VGLL4: variants seen among roughly 807,000 people sequenced by gnomAD.
VGLL4 encodes vestigial like family member 4.
A neutral mutation model predicts 21.0 loss-of-function variants in VGLL4; 7 were observed. The ratio of observed to expected loss-of-function variants is 0.33; its 90% CI spans 0.19 to 0.63. The LOEUF is 0.63. Ranked by LOEUF, VGLL4 falls within the 20% of genes least tolerant of loss-of-function variation. VGLL4 has a pLI of 0.78. For missense variants in VGLL4, 394 were observed against 425.7 expected (o/e 0.93, Z 0.66); for synonymous variants, 222 against 173.2 (o/e 1.28, Z -2.21).
chr3:11,563,596 C>T (rs1034343794), intron 3 of VGLL4, among the ~76,000 whole-genome samples: 5 of 152,178 alleles, frequency 3.3e-5, no homozygotes, highest in African/African-American at 9.7e-5. Context: ...AAATGGTGAG[C>T]GCTCGTAAAA....
intron 1 of VGLL4, chr3:11,626,264 G>A (rs1432626316): frequency 7.0e-6 from 3 of 429,352 alleles, no homozygotes; most frequent in Non-Finnish European, 1.4e-5. Flanking sequence ...AATACGGAAA[G>A]GAAATTCTTT....
intron 1 of VGLL4, among the ~76,000 whole-genome samples, chr3:11,634,532 CAA>C (rs1390135226): frequency 6.6e-6 from 1 of 152,172 alleles, no homozygotes; most frequent in Admixed American, 6.5e-5. Context: ...CAAACTGTGA[CAA>C]AAGTTTGTTT....
chr3:11,703,867 T>C lies in VGLL4; in HGVS notation c.-13-820A>G, dbSNP rs142192463. Reference sequence around the variant, plus strand: ...TTTATTCAGCATTCTTCAACACTTATGGAGTACCTACTACGTATGCACCGG... The same window carrying C: ...TTTATTCAGCATTCTTCAACACTTACGGAGTACCTACTACGTATGCACCGG... On this transcript the variant is annotated intron_variant, in intron 1 of 5. Coordinates refer to the VGLL4 transcript ENST00000273038. 8.3e-4 allele frequency among the ~76,000 whole-genome samples: 126 copies of C among 152,370 alleles called. 1 individual carries two copies. The highest frequency in any genetic ancestry group is 1.3e-3 in the African/African-American group (55 of 41,594).
intron 1 of VGLL4, among the ~76,000 whole-genome samples, chr3:11,607,816 ATTAT>A (rs1425038821): frequency 6.6e-6 from 1 of 152,238 alleles, no homozygotes; most frequent in Non-Finnish European, 1.5e-5. Flanking sequence ...TTTTTAAAAC[ATTAT>A]TTATTAAGCT....
chr3:11,688,249 T>C (rs2076478960), intron 2 of VGLL4, among the ~76,000 whole-genome samples: 1 of 152,188 alleles, frequency 6.6e-6, no homozygotes, highest in African/African-American at 2.4e-5. Flanking sequence ...TACATACAAC[T>C]TTGTGTTTTA....
intron 2 of VGLL4, among the ~76,000 whole-genome samples, chr3:11,658,809 A>C (rs1221821967): frequency 6.6e-6 from 1 of 152,218 alleles, no homozygotes; most frequent in Non-Finnish European, 1.5e-5. Flanking sequence ...CAATGAATGC[A>C]AAAATATTTT....
At chr3:11,636,149 C>T (rs2075582398) in intron 1 of VGLL4, among the ~76,000 whole-genome samples, 1 of 152,174 alleles carries the variant, frequency 6.6e-6, no homozygotes, top group Admixed American at 6.5e-5. Context: ...CATTTATTTT[C>T]TAAGGGGAAA....
chr3:11,563,317 G>A (rs1183379882), intron 3 of VGLL4, among the ~76,000 whole-genome samples: 1 of 152,218 alleles, frequency 6.6e-6, no homozygotes, highest in Non-Finnish European at 1.5e-5. Flanking sequence ...CTGCCTGCAC[G>A]GTTCAGGCCA....
At chr3:11,579,704 C>G (rs560183417) in intron 2 of VGLL4, among the ~76,000 whole-genome samples, 13 of 152,128 alleles carry the variant, frequency 8.5e-5, no homozygotes, top group African/African-American at 1.2e-4. Flanking sequence ...CACCCTCCCC[C>G]CCAAGTTTCA....
At chr3:11,598,162 T>A (rs2074692993) in intron 2 of VGLL4, among the ~76,000 whole-genome samples, 1 of 152,140 alleles carries the variant, frequency 6.6e-6, no homozygotes. Flanking sequence ...TAGCTGGGAC[T>A]ACAGGCGCAC....
intron 1 of VGLL4, among the ~76,000 whole-genome samples, chr3:11,704,653 T>C (rs2076734336): frequency 6.6e-6 from 1 of 152,074 alleles, no homozygotes; most frequent in Non-Finnish European, 1.5e-5. Flanking sequence ...TTTTCTATGG[T>C]AAATAAGTTT....
intron 1 of VGLL4, among the ~76,000 whole-genome samples, chr3:11,617,309 A>C (rs990679264): frequency 2.0e-5 from 3 of 152,166 alleles, no homozygotes; most frequent in African/African-American, 7.2e-5. Flanking sequence ...TTGTTTCCTT[A>C]GACTTAAGGC....
chr3:11,630,219 C>A (rs2125314536), intron 1 of VGLL4, among the ~76,000 whole-genome samples: 2 of 152,282 alleles, frequency 1.3e-5, no homozygotes, highest in South Asian at 4.1e-4. Flanking sequence ...TAGTACCAAT[C>A]AACAGTGTCA....
intron 1 of VGLL4, among the ~76,000 whole-genome samples, chr3:11,622,789 A>C (rs945051298): frequency 6.6e-6 from 1 of 152,206 alleles, no homozygotes; most frequent in Non-Finnish European, 1.5e-5. Context: ...TCGAGGGATT[A>C]TAGAATTAGC....
At chr3:11,673,606 T>C (rs1364654339) in intron 2 of VGLL4, among the ~76,000 whole-genome samples, 1 of 152,152 alleles carries the variant, frequency 6.6e-6, no homozygotes, top group Non-Finnish European at 1.5e-5. Flanking sequence ...ATATAATAGT[T>C]GCTTTTTCTT....
intron 1 of VGLL4, among the ~76,000 whole-genome samples, chr3:11,634,057 G>A (rs186152715): frequency 6.4e-4 from 97 of 152,224 alleles, no homozygotes; most frequent in African/African-American, 2.2e-3. Flanking sequence ...AGGTGACCAC[G>A]CTCACTCAAA....
At chr3:11,700,911 T>C (rs1417005680) in intron 2 of VGLL4, among the ~76,000 whole-genome samples, 2 of 152,206 alleles carry the variant, frequency 1.3e-5, no homozygotes, top group African/African-American at 2.4e-5. Flanking sequence ...GGAATAATTA[T>C]ACCTCACCAT....
intron 2 of VGLL4, among the ~76,000 whole-genome samples, chr3:11,651,032 T>C (rs1019316189): frequency 2.0e-5 from 3 of 152,002 alleles, no homozygotes. Context: ...TAAGACAAGG[T>C]TGTAAGAAGG....
chr3:11,679,897 T>C (rs745668089), intron 2 of VGLL4, among the ~76,000 whole-genome samples: 1 of 152,170 alleles, frequency 6.6e-6, no homozygotes, highest in African/African-American at 2.4e-5. Flanking sequence ...GTAGCCTTCA[T>C]GTACAGTGTT....
Sources: allele counts gnomAD v4.1 joint callset (sites outside exome capture counted in the v4.1 genomes callset), GRCh38; gene constraint gnomAD v4.1.1; transcripts MANE v1.5; gene names NCBI Gene and HGNC (gene_info 2026-07-23, HGNC 2026-07-21).